Variants in PHB2 observed in about 807,000 individuals in gnomAD.
PHB2 encodes prohibitin 2.
In PHB2, 22 loss-of-function variants were observed where a neutral mutation model predicts 46.4. The ratio of observed to expected loss-of-function variants is 0.47; its 90% CI spans 0.34 to 0.68. The LOEUF is 0.68. Ranked by LOEUF, PHB2 falls within the 30% of genes least tolerant of loss-of-function variation. The pLI, the probability that PHB2 is intolerant of heterozygous loss-of-function variation, is 0.01. For synonymous variants in PHB2, 156 were observed against 150.5 expected (o/e 1.04, Z -0.27); for missense variants, 305 against 382.8 (o/e 0.80, Z 1.70).
intron 8 of PHB2, 118 bp downstream of exon 8, chr12:6,966,306 A>G: frequency 2.8e-6 from 2 of 709,428 alleles, no homozygotes; most frequent in Admixed American, 4.5e-5. Flanking sequence ...CCCCTTTTCT[A>G]ATTTTGGTTC....
intron 2 of PHB2, 132 bp from the exon 3 acceptor site, chr12:6,969,709 G>T: frequency 1.6e-6 from 1 of 614,462 alleles, no homozygotes; most frequent in Non-Finnish European, 3.0e-6. Context: ...AGACCAGCTT[G>T]ATCTACATAG....
chr12:6,966,059 G>A, intron 8 of PHB2, 143 bp from the exon 9 acceptor site: 3 of 878,364 alleles, frequency 3.4e-6, no homozygotes, highest in Non-Finnish European at 1.8e-6. Context: ...AGGAATCTCA[G>A]GCTCATGAAA....
At chr12:6,970,010 T>C (rs781948999) in intron 2 of PHB2, 186 bp downstream of exon 2, 3 of 703,742 alleles carry the variant, frequency 4.3e-6, no homozygotes, top group East Asian at 2.7e-5. Context: ...GAGATTCTCT[T>C]GTCCCTCTGG....
intron 2 of PHB2, 44 bp downstream of exon 2, chr12:6,970,152 T>G: frequency 6.9e-7 from 1 of 1,442,854 alleles, no homozygotes; most frequent in Non-Finnish European, 9.7e-7. Flanking sequence ...TGGGTCGGCG[T>G]CAAGGGTGAA....
At chr12:6,969,791 C>G in intron 2 of PHB2, 1 of 493,592 alleles carries the variant, frequency 2.0e-6, no homozygotes. Context: ...CCCAGCTACT[C>G]GTGAGGCTGA....
chr12:6,966,805 C>T (rs1295468359), intron 7 of PHB2, among the ~76,000 whole-genome samples: 1 of 152,212 alleles, frequency 6.6e-6, no homozygotes, highest in East Asian at 1.9e-4. Context: ...AGTGCAGTGG[C>T]ATGATCTCAG....
chr12:6,965,380 G>T lies in PHB2; in HGVS notation c.*305C>A. On this transcript the variant is annotated 3_prime_UTR_variant, in exon 10 of 10. Coordinates refer to ENST00000535923, the MANE Select transcript of PHB2 (RefSeq NM_001144831.2). ...AGGTTAAGTAATAAAAATTTATTGAGAATTCCTGGGTTGGTGTTTATCTCC... is the reference window on the plus strand; with the variant it reads ...AGGTTAAGTAATAAAAATTTATTGATAATTCCTGGGTTGGTGTTTATCTCC... 2.2e-6 allele frequency: 1 copy of T among 461,866 alleles called. No individual in the cohort carries two copies. The highest frequency in any genetic ancestry group is 3.9e-5 in the East Asian group (1 of 25,892). 28.6% of individuals were successfully genotyped at this position (461,866 alleles called of 1,614,324 possible).
chr12:6,968,948 G>T (rs1484407861), intron 3 of PHB2, among the ~76,000 whole-genome samples: 2 of 152,172 alleles, frequency 1.3e-5, no homozygotes, highest in African/African-American at 4.8e-5. Flanking sequence ...TTTATTCCCA[G>T]GGCCCAGTCT....
At chr12:6,969,785 G>A (rs1946285089) in intron 2 of PHB2, 1 of 507,918 alleles carries the variant, frequency 2.0e-6, no homozygotes, top group Non-Finnish European at 3.6e-6. Context: ...TGTAATCCCA[G>A]CTACTCGTGA....
intron 4 of PHB2, 131 bp downstream of exon 4, chr12:6,968,280 T>C (rs781986047): frequency 1.5e-5 from 11 of 735,228 alleles, no homozygotes; most frequent in Non-Finnish European, 2.2e-5. Context: ...CAGTGGCAAT[T>C]AGCACAGCTT....
rs78952305 is a variant in PHB2 at position 6,970,654 on chromosome 12, G to A, written c.-111C>T. On this transcript the variant is annotated 5_prime_UTR_variant, in exon 1 of 10. Coordinates refer to ENST00000535923, the MANE Select transcript of PHB2 (RefSeq NM_001144831.2). ...TCACACGAGGGTTCGGGCCCGTAAGGCTGGCGAAAGAAAGGGCAGCGGAAG... is the reference window on the plus strand; with the variant it reads ...TCACACGAGGGTTCGGGCCCGTAAGACTGGCGAAAGAAAGGGCAGCGGAAG... 14,578 of 1,327,920 alleles carry A rather than the reference G, an allele frequency of 0.011. 110 individuals carry two copies. The highest frequency in any genetic ancestry group is 0.013 in the Non-Finnish European group (13,000 of 980,102). 82.3% of individuals were successfully genotyped at this position (1,327,920 alleles called of 1,614,324 possible).
chr12:6,968,423 G>T lies in PHB2; in HGVS notation c.465C>A (p.Thr155=). Residue 155 remains threonine (T), a synonymous_variant, in exon 4 of 10, where the codon ACC becomes ACA. Transcript: ENST00000535923. ...GTGGGAGTCAGACCTGGGCCCGCTG[G>T]GTGATCAGCTGTGAGGCATTGAACT... The part of the protein sequence containing the change: ...VAKFNASQLI[T]QRAQVSLLIR... 1 of 1,608,180 alleles carries T rather than the reference G, an allele frequency of 6.2e-7. No homozygotes were observed. The highest frequency in any genetic ancestry group is 8.5e-7 in the Non-Finnish European group (1 of 1,176,176).
chr12:6,966,748 T>A (rs1246831079), intron 7 of PHB2, among the ~76,000 whole-genome samples: 2 of 152,076 alleles, frequency 1.3e-5, no homozygotes, highest in African/African-American at 4.8e-5. Flanking sequence ...GCCAATTTTT[T>A]ATTTATTTAT....
At position 6,965,932 on chromosome 12, in the gene PHB2, G is replaced by A. The variant is rs781923399; in HGVS notation, c.867-16C>T. ...TTACCTTCCCCTGTGGTGCCAGATCGCCAGATGAACAAGAAACAGAGAAGA... is the reference window on the plus strand; with the variant it reads ...TTACCTTCCCCTGTGGTGCCAGATCACCAGATGAACAAGAAACAGAGAAGA... On this transcript the variant is annotated splice_polypyrimidine_tract_variant and intron_variant, in intron 8 of 9. Transcript: ENST00000535923. The A allele has an allele frequency of 1.1e-5, 18 of 1,597,820 alleles. No individual in the cohort carries two copies. In the Admixed American group the frequency reaches 2.3e-4, roughly 21 times the overall value.
rs1946224085 is a variant in PHB2, at chr12:6,967,055, C to T, written c.789+116G>A. ...TGAGCCACCGCGCCGGCCAGAGAAG[C>T]CAATCTGAGTAGAAACCGGAACAAG... On this transcript the variant is annotated intron_variant, in intron 7 of 9. Transcript: ENST00000535923. This position sits in a 1 kb window ranked among gnomAD's most constrained non-coding sequence, Gnocchi z 4.9. 1.1e-6 allele frequency: 1 copy of T among 922,384 alleles called. No individual in the cohort carries two copies. Among genetic ancestry groups the T allele is most frequent in the Non-Finnish European group, 1.7e-6 (1 of 586,516 alleles). 57.1% of individuals were successfully genotyped at this position (922,384 alleles called of 1,614,324 possible).
rs1555151048 is a variant in PHB2 at position 6,967,561 on chromosome 12, G to C, written c.711+115C>G. The C allele has an allele frequency of 1.0e-6, 1 of 980,248 alleles. No homozygotes were observed. The highest frequency in any genetic ancestry group is 1.6e-6 in the Non-Finnish European group (1 of 610,798). 60.7% of individuals were successfully genotyped at this position (980,248 alleles called of 1,614,324 possible). On this transcript the variant is annotated intron_variant, in intron 6 of 9. Transcript: ENST00000535923. The surrounding 1 kb of genome is among the most constrained non-coding windows in gnomAD (Gnocchi z 4.9). ...GTCCCCACCCCCAACAAGGAGCCAA[G>C]GGCCAGAGAGCACGGAGTCGCATTC...
Position 6,968,477 on chromosome 12 carries a change from G to C in PHB2, c.411C>G (p.Val137=), listed in dbSNP as rs782632951. The part of the protein sequence containing the change: ...DYEERVLPSI[V]NEVLKSVVAK... ...CCACCACACTCTTGAGCACCTCGTT[G>C]ACAATGGACGGCAACACTCGTTCCT... Residue 137 remains valine, a synonymous_variant, in exon 4 of 10, where the codon GTC becomes GTG. Transcript: ENST00000535923. 33 of 1,613,088 alleles carry C rather than the reference G, an allele frequency of 2.0e-5. No homozygotes were observed. In the Admixed American group the frequency reaches 4.7e-4, roughly 23 times the overall value.
In PHB2 at chr12:6,969,876, G is replaced by A. The variant is rs782469864; in HGVS notation, c.213-299C>T. ...ATCGCGCCACTGCACTCCAGCCTGG[G>A]CGACAGAGCAAGACTCCCTCTCCAA... is the stretch of plus-strand genomic sequence containing the variant. On this transcript the variant is annotated intron_variant, in intron 2 of 9. Coordinates refer to ENST00000535923, the MANE Select transcript of PHB2 (RefSeq NM_001144831.2). 1.0e-4 allele frequency: 58 copies of A among 569,532 alleles called. No homozygotes were observed. The African/African-American group carries it at 1.0e-3, about 10-fold the overall frequency. 35.3% of individuals were successfully genotyped at this position (569,532 alleles called of 1,614,324 possible).
Position 6,967,452 on chromosome 12 carries a change from A to T in PHB2, c.712-204T>A. On this transcript the variant is annotated intron_variant, in intron 6 of 9. Transcript: ENST00000535923. This position sits in a 1 kb window ranked among gnomAD's most constrained non-coding sequence, Gnocchi z 4.9. ...TAGGGGCAGCACCAGAAATGAAGGC[A>T]AGGCCACCAATGCTATTGATCTGGC... 1 of 1,156,126 alleles carries T rather than the reference A, an allele frequency of 8.6e-7. No homozygotes were observed. The highest frequency in any genetic ancestry group is 1.5e-5 in the African/African-American group (1 of 66,442). 71.6% of individuals were successfully genotyped at this position (1,156,126 alleles called of 1,614,324 possible). A position where few individuals can be genotyped will look rare whatever the true frequency, so the allele number is the denominator to read the frequency against.
Sources: gnomAD v4.1 joint callset for allele counts (sites outside exome capture counted in the v4.1 genomes callset) on GRCh38, gnomAD v4.1.1 for gene constraint, Gnocchi (gnomAD v3.1) non-coding constraint, MANE v1.5 for transcripts, NCBI Gene and HGNC (gene_info 2026-07-23, HGNC 2026-07-21) for gene names.